RELB: variants seen among roughly 807,000 people sequenced by gnomAD.
RELB encodes RELB proto-oncogene, NF-kB subunit.
RELB carries 14 observed loss-of-function variants against 55.4 expected under a neutral mutation model. The observed-to-expected ratio is 0.25, with a 90% CI of 0.17 to 0.40. The LOEUF is 0.40. Among genes scored for constraint, RELB ranks in the 10% least tolerant of loss-of-function variants. The pLI, the probability that RELB is intolerant of heterozygous loss-of-function variation, is 1.00. For synonymous variants in RELB, 409 were observed against 371.3 expected, an observed-to-expected ratio of 1.10 and a Z score of -1.17; for missense variants, 669 against 830.7, an observed-to-expected ratio of 0.81 and a Z score of 2.39.
At position 45,012,098 on chromosome 19, in the gene RELB, GC is replaced by G. The variant is rs1319734273; in HGVS notation, c.331del (p.Leu111TrpfsTer4). The stretch of plus-strand genomic sequence containing the variant: ...CCAGCCACGCCGCCGCCTTGGGGCT[GC>G]CCCCTGGGCCGACTAGTGTCCCCAG... Reference protein sequence around the residue: ...APPATPPPWGCPLGRLVSPAP... With the variant: ...APPATPPPWGXPLGRLVSPAP... On this transcript the variant is annotated frameshift_variant, in exon 4 of 12. Coordinates refer to ENST00000221452, the MANE Select transcript of RELB (RefSeq NM_006509.4). LOFTEE classifies it high-confidence loss of function. 6 of 1,549,242 alleles carry G rather than the reference GC, an allele frequency of 3.9e-6. No individual in the cohort carries two copies. Among genetic ancestry groups the G allele is most frequent in the Admixed American group, 4.1e-5 (2 of 49,102 alleles).
Position 45,024,531 on chromosome 19 carries a change from C to G in RELB, c.663-798C>G, listed in dbSNP as rs149382059. 7.5e-4 allele frequency among the ~76,000 whole-genome samples: 114 copies of G among 151,862 alleles called. 2 individuals are homozygous for G. The East Asian group carries it at 0.021, about 28-fold the overall frequency. ...GGTAAAGATAAGGCATGTTCTGGAT[C>G]TTCTCAAGAACCTTTGACATGCTTA... On this transcript the variant is annotated intron_variant, in intron 5 of 11. Transcript: ENST00000221452.
chr19:45,033,192 G>T (rs1026789666), intron 9 of RELB, among the ~76,000 whole-genome samples: 5 of 152,290 alleles, frequency 3.3e-5, no homozygotes, highest in Non-Finnish European at 5.9e-5. Flanking sequence ...CCCAGAGGGG[G>T]TACCTGACCC....
intron 2 of RELB, among the ~76,000 whole-genome samples, chr19:45,003,915 GTTTTTTTTTTTTTTTT>G (rs1039624578): frequency 1.6e-5 from 1 of 63,574 alleles, no homozygotes; most frequent in African/African-American, 5.9e-5. Flanking sequence ...TGTTTTTTGT[GTTTTTTTTTTTTTTTT>G]TTTTTTTTTT....
chr19:45,003,708 AG>A (rs1971243630), intron 2 of RELB: 1 of 474,656 alleles, frequency 2.1e-6, no homozygotes, highest in African/African-American at 2.0e-5. Context: ...ACAGAATAAC[AG>A]TGCCTCTCTT....
rs759710647 is a variant in RELB at position 45,034,274 on chromosome 19, G to A, written c.1238G>A (p.Arg413Gln). The A allele has an allele frequency of 2.0e-5, 32 of 1,613,934 alleles. No homozygotes were observed. In the Admixed American group the frequency reaches 4.3e-4, roughly 22 times the overall value. Residue 413 changes from arginine to glutamine, a missense_variant, in exon 10 of 12, where the codon CGG (arginine) becomes CAG (glutamine). By Grantham distance (43) the Arg-to-Gln change is conservative. Around this residue, in one of 3 missense-constraint regions of RELB, gnomAD observed 341 missense variants for 436.8 expected, o/e 0.78. Transcript: ENST00000221452. The stretch of plus-strand genomic sequence containing the variant: ...TACGGCGTGGACAAGAAGCGGAAAC[G>A]GGGGATGCCCGACGTCCTTGGGGAG... ...DSYGVDKKRKRGMPDVLGELN... is the reference protein window; with the variant it reads ...DSYGVDKKRKQGMPDVLGELN...
Position 45,003,028 on chromosome 19 carries a change from G to A in RELB, c.154+32G>A, listed in dbSNP as rs35166625. ...AGCCCTCCACAGTTCCTGCCCACTC[G>A]CTCATGCAGGATGAGGTTGGGAGGA... On this transcript the variant is annotated intron_variant, in intron 2 of 11. Transcript: ENST00000221452. 7.2e-4 allele frequency: 1,148 copies of A among 1,603,404 alleles called. 5 individuals are homozygous for A. Among genetic ancestry groups the A allele is most frequent in the Non-Finnish European group, 8.6e-4 (1,008 of 1,174,468 alleles).
Position 45,028,871 on chromosome 19 carries a change from C to G in RELB, c.887-17C>G, listed in dbSNP as rs1481034284. On this transcript the variant is annotated splice_polypyrimidine_tract_variant and intron_variant, in intron 7 of 11. Coordinates refer to ENST00000221452, the MANE Select transcript of RELB (RefSeq NM_006509.4). The stretch of plus-strand genomic sequence containing the variant: ...GGGATTTTTTTTAATACACTTCTTC[C>G]TCTTGCTCCTTCCCAGAATCCACAA... The G allele has an allele frequency of 6.4e-7, 1 of 1,565,944 alleles. No homozygotes were observed. The highest frequency in any genetic ancestry group is 8.7e-7 in the Non-Finnish European group (1 of 1,154,166).
intron 7 of RELB, among the ~76,000 whole-genome samples, chr19:45,028,278 C>T (rs537420659): frequency 5.3e-5 from 8 of 152,034 alleles, no homozygotes; most frequent in Non-Finnish European, 1.2e-4. Context: ...TGGCTGGGCC[C>T]CCAAAAGTGC....
At chr19:45,007,387 C>G (rs1971295027) in intron 2 of RELB, among the ~76,000 whole-genome samples, 1 of 152,184 alleles carries the variant, frequency 6.6e-6, no homozygotes, top group Admixed American at 6.5e-5. Flanking sequence ...AGAACCTGCA[C>G]TAAGTAGTTT....
chr19:45,034,782 G>C (rs1161112802), intron 11 of RELB, among the ~76,000 whole-genome samples: 2 of 151,910 alleles, frequency 1.3e-5, no homozygotes, highest in African/African-American at 4.8e-5. Flanking sequence ...GGACTCCTTT[G>C]AAAAGGCCCA....
At chr19:45,011,724 G>T (rs1463642868) in intron 3 of RELB, among the ~76,000 whole-genome samples, 1 of 146,966 alleles carries the variant, frequency 6.8e-6, no homozygotes, top group Non-Finnish European at 1.5e-5. Context: ...TGGGATTACA[G>T]GCGTGAGCCA....
chr19:45,002,836 G>A, intron 1 of RELB, 113 bp from the exon 2 acceptor site: 1 of 823,512 alleles, frequency 1.2e-6, no homozygotes, highest in Non-Finnish European at 2.0e-6. Context: ...AGGGCGAGGG[G>A]CCTGATCCAG....
At chr19:45,005,422 C>G (rs894680616) in intron 2 of RELB, among the ~76,000 whole-genome samples, 2 of 152,100 alleles carry the variant, frequency 1.3e-5, no homozygotes, top group African/African-American at 2.4e-5. Flanking sequence ...GTTATGAATA[C>G]TCAGTGGCTC....
intron 2 of RELB, among the ~76,000 whole-genome samples, chr19:45,006,684 G>T (rs906765125): frequency 9.9e-5 from 15 of 151,902 alleles, no homozygotes; most frequent in Admixed American, 5.3e-4. Context: ...AAACAGGCTG[G>T]GTGTGGTGGC....
In RELB at chr19:45,034,492, G is replaced by C. The variant is rs1200596525; in HGVS notation, c.1318G>C (p.Ala440Pro). 6.2e-7 allele frequency: 1 copy of C among 1,609,986 alleles called. No individual in the cohort carries two copies. Among genetic ancestry groups the C allele is most frequent in the East Asian group, 2.2e-5 (1 of 44,728 alleles). ...GAGCAAACGGCGGAAGAAAAAGCCG[G>C]CCATCCTGGACCACTTCCTGCCCAA... ...IESKRRKKKPAILDHFLPNHG... is the reference protein window; with the variant it reads ...IESKRRKKKPPILDHFLPNHG... Residue 440 changes from alanine to proline, a missense_variant, in exon 11 of 12, where the codon GCC (alanine) becomes CCC (proline). Around this residue, in one of 3 missense-constraint regions of RELB, gnomAD observed 341 missense variants for 436.8 expected, o/e 0.78. Transcript: ENST00000221452.
intron 8 of RELB, among the ~76,000 whole-genome samples, chr19:45,030,723 G>A (rs922642376): frequency 6.6e-6 from 1 of 152,218 alleles, no homozygotes; most frequent in Admixed American, 6.6e-5. Context: ...CTTAAGTGCA[G>A]GAGTTGGAGG....
Position 45,028,902 on chromosome 19 carries a change from T to C in RELB, c.901T>C (p.Ser301Pro), listed in dbSNP as rs1971588697. 1.3e-6 allele frequency: 2 copies of C among 1,596,068 alleles called. No homozygotes were observed. The highest frequency in any genetic ancestry group is 1.8e-5 in the Admixed American group (1 of 56,932). Reference protein sequence around the residue: ...PVYDKKSTNTSELRICRINKE... With the variant: ...PVYDKKSTNTPELRICRINKE... ...CTCCTTCCCAGAATCCACAAACACA[T>C]CAGAGCTGCGGATTTGCCGAATTAA... Residue 301 changes from serine to proline, a missense_variant, in exon 8 of 12, where the codon TCA (serine) becomes CCA (proline). Ser to Pro is a moderately conservative substitution (Grantham distance 74, BLOSUM62 -1). Around this residue, in one of 3 missense-constraint regions of RELB, gnomAD observed 341 missense variants for 436.8 expected, o/e 0.78. Coordinates refer to ENST00000221452, the MANE Select transcript of RELB (RefSeq NM_006509.4).
Position 45,012,048 on chromosome 19 carries a change from G to C in RELB, c.276G>C (p.Thr92=), listed in dbSNP as rs749656851. The change falls in exon 4 of 12, where the codon ACG becomes ACC. Residue 92 remains threonine, a synonymous_variant. Coordinates refer to ENST00000221452, the MANE Select transcript of RELB (RefSeq NM_006509.4). ...LVSRGAASLS[T]VTLGPVAPPA... Reference sequence around the variant, plus strand: ...CTCGCGGGGCTGCGTCCCTGAGCACGGTCACCCTGGGCCCTGTGGCGCCCC... The same window carrying C: ...CTCGCGGGGCTGCGTCCCTGAGCACCGTCACCCTGGGCCCTGTGGCGCCCC... 9 of 1,566,300 alleles carry C rather than the reference G, an allele frequency of 5.7e-6. No homozygotes were observed. The African/African-American group carries it at 1.2e-4, about 22-fold the overall frequency.
At chr19:45,005,883 C>T (rs974048274) in intron 2 of RELB, among the ~76,000 whole-genome samples, 2 of 152,184 alleles carry the variant, frequency 1.3e-5, no homozygotes, top group African/African-American at 4.8e-5. Context: ...GGATTACAGG[C>T]ATGAGCCACC....
Sources: allele counts gnomAD v4.1 joint callset (sites outside exome capture counted in the v4.1 genomes callset), GRCh38; gene constraint gnomAD v4.1.1; regional missense constraint gnomAD v4.1.1; transcripts MANE v1.5; gene names NCBI Gene and HGNC (gene_info 2026-07-23, HGNC 2026-07-21).